KCNIP4: variants seen among roughly 807,000 people sequenced by gnomAD.
The protein encoded by KCNIP4 is potassium voltage-gated channel interacting protein 4, also known as Kv channel-interacting protein 4.
A neutral mutation model predicts 34.0 loss-of-function variants in KCNIP4; 12 were observed. That is an observed-to-expected ratio of 0.35 (90% CI 0.23 to 0.57). The LOEUF (loss-of-function observed/expected upper bound fraction) is 0.57. Ranked by LOEUF, KCNIP4 falls within the 20% of genes least tolerant of loss-of-function variation. KCNIP4 has a pLI of 0.83. For missense variants in KCNIP4, 238 were observed against 311.7 expected (o/e 0.76, Z 1.78); for synonymous variants, 124 against 102.2 (o/e 1.21, Z -1.29).
intron 3 of KCNIP4, among the ~76,000 whole-genome samples, chr4:20,834,870 G>A (rs1323118028): frequency 6.6e-6 from 1 of 152,136 alleles, no homozygotes; most frequent in Non-Finnish European, 1.5e-5. Flanking sequence ...AGAGAATGAG[G>A]AGTGTTTGTC....
chr4:21,424,936 T>G (rs1427825588), intron 1 of KCNIP4, among the ~76,000 whole-genome samples: 1 of 152,238 alleles, frequency 6.6e-6, no homozygotes, highest in Non-Finnish European at 1.5e-5. Context: ...TTTTTTATTT[T>G]TCAATGATTC....
At chr4:21,082,808 T>C (rs1333016153) in intron 1 of KCNIP4, among the ~76,000 whole-genome samples, 1 of 151,846 alleles carries the variant, frequency 6.6e-6, no homozygotes, top group Admixed American at 6.6e-5. Context: ...CTTAATACTT[T>C]TGAGGAAAAT....
At chr4:21,016,337 G>C (rs1739542307) in intron 1 of KCNIP4, among the ~76,000 whole-genome samples, 1 of 143,364 alleles carries the variant, frequency 7.0e-6, no homozygotes. Context: ...CTAGCTCTGT[G>C]GCCTATGCTG....
chr4:21,191,159 A>G (rs1211419777), intron 1 of KCNIP4, among the ~76,000 whole-genome samples: 3 of 152,228 alleles, frequency 2.0e-5, no homozygotes, highest in African/African-American at 7.2e-5. Flanking sequence ...GATATTCTCA[A>G]CAAAGGTAGA....
At chr4:21,600,776 A>G (rs963863264) in intron 1 of KCNIP4, among the ~76,000 whole-genome samples, 21 of 152,018 alleles carry the variant, frequency 1.4e-4, no homozygotes, top group African/African-American at 4.8e-4. Flanking sequence ...ATGTCCTCCA[A>G]TACCCATGTT....
chr4:21,106,426 G>T (rs896728349), intron 1 of KCNIP4, among the ~76,000 whole-genome samples: 17 of 151,780 alleles, frequency 1.1e-4, no homozygotes, highest in Admixed American at 1.3e-4. Context: ...TTGTATTTCT[G>T]TGGGATCGGT....
At chr4:21,144,034 G>A (rs192239522) in intron 1 of KCNIP4, among the ~76,000 whole-genome samples, 257 of 152,232 alleles carry the variant, frequency 1.7e-3, no homozygotes, top group Non-Finnish European at 3.2e-3. Context: ...TGAAGTCTCT[G>A]TGCCTTTAAC....
At chr4:21,088,054 A>G (rs1746627594) in intron 1 of KCNIP4, among the ~76,000 whole-genome samples, 1 of 152,140 alleles carries the variant, frequency 6.6e-6, no homozygotes, top group Admixed American at 6.5e-5. Flanking sequence ...AAAAATGTCT[A>G]TTCAAATGTG....
At chr4:21,668,642 A>C (rs920364390) in intron 1 of KCNIP4, among the ~76,000 whole-genome samples, 5 of 152,170 alleles carry the variant, frequency 3.3e-5, no homozygotes, top group Non-Finnish European at 7.4e-5. Flanking sequence ...AATATATACA[A>C]TTCTAACATG....
intron 2 of KCNIP4, among the ~76,000 whole-genome samples, chr4:20,868,552 T>A (rs1723099200): frequency 6.6e-6 from 1 of 152,074 alleles, no homozygotes; most frequent in African/African-American, 2.4e-5. Flanking sequence ...TGTTCATCAC[T>A]GTGCTCTTCA....
At chr4:21,400,759 T>C (rs1723487793) in intron 1 of KCNIP4, among the ~76,000 whole-genome samples, 1 of 152,094 alleles carries the variant, frequency 6.6e-6, no homozygotes, top group Admixed American at 6.6e-5. Flanking sequence ...AGCAAATATG[T>C]AGAATTTTAA....
intron 1 of KCNIP4, among the ~76,000 whole-genome samples, chr4:21,573,777 A>G (rs1178977009): frequency 1.3e-5 from 2 of 152,098 alleles, no homozygotes; most frequent in Admixed American, 6.6e-5. Context: ...ATTTTGATCA[A>G]TTTCCAATGA....
chr4:21,462,770 T>TGC (rs889338845), intron 1 of KCNIP4, among the ~76,000 whole-genome samples: 1 of 50,212 alleles, frequency 2.0e-5, no homozygotes, highest in African/African-American at 2.9e-4. Flanking sequence ...TTCCATTGTG[T>TGC]GTGTGTGTGT....
chr4:21,069,524 C>T (rs1016895128), intron 1 of KCNIP4, among the ~76,000 whole-genome samples: 2 of 152,132 alleles, frequency 1.3e-5, no homozygotes, highest in Admixed American at 6.6e-5. Context: ...TAGCAGTTTC[C>T]TTTCACTTGC....
intron 1 of KCNIP4, among the ~76,000 whole-genome samples, chr4:21,063,954 G>T (rs1423336049): frequency 2.0e-5 from 3 of 152,096 alleles, no homozygotes; most frequent in Non-Finnish European, 4.4e-5. Flanking sequence ...ACAATTTTGT[G>T]TTTAAACCTC....
intron 2 of KCNIP4, among the ~76,000 whole-genome samples, chr4:20,874,169 A>G (rs991172493): frequency 6.6e-6 from 1 of 152,170 alleles, no homozygotes; most frequent in Non-Finnish European, 1.5e-5. Flanking sequence ...TATCATTTCT[A>G]CCTTATGGAT....
intron 1 of KCNIP4, among the ~76,000 whole-genome samples, chr4:21,620,136 A>C (rs1744902671): frequency 6.6e-6 from 1 of 152,230 alleles, no homozygotes; most frequent in African/African-American, 2.4e-5. Flanking sequence ...AGTCAGCAGT[A>C]GGAATTGGAA....
chr4:20,933,889 A>G (rs1337509451), intron 1 of KCNIP4, among the ~76,000 whole-genome samples: 1 of 152,206 alleles, frequency 6.6e-6, no homozygotes, highest in Non-Finnish European at 1.5e-5. Flanking sequence ...CCTAAGTTCC[A>G]GCAAAATGGA....
intron 1 of KCNIP4, among the ~76,000 whole-genome samples, chr4:21,457,307 G>T (rs780841450): frequency 4.6e-5 from 7 of 151,956 alleles, no homozygotes; most frequent in African/African-American, 7.3e-5. Flanking sequence ...CTTGTTGGCG[G>T]CTTGCTGGCC....
Sources: gnomAD v4.1 joint callset for allele counts (sites outside exome capture counted in the v4.1 genomes callset) on GRCh38, gnomAD v4.1.1 for gene constraint, MANE v1.5 for transcripts, NCBI Gene and HGNC (gene_info 2026-07-23, HGNC 2026-07-21) for gene names.